Variants in RBFOX1 observed in about 807,000 individuals in gnomAD.
RBFOX1 encodes RNA binding fox-1 homolog 1.
In RBFOX1, 8 loss-of-function variants were observed where a neutral mutation model predicts 57.7. The ratio of observed to expected loss-of-function variants is 0.14; its 90% confidence interval spans 0.08 to 0.25. RBFOX1 has a LOEUF of 0.25. RBFOX1 is among the 10% of genes least tolerant of loss of function. The pLI, the probability that RBFOX1 is intolerant of heterozygous loss-of-function variation, is 1.00. For missense variants in RBFOX1, 611 were observed against 548.5 expected, an observed-to-expected ratio of 1.11 and a Z score of -1.14; for synonymous variants, 326 against 222.4, an observed-to-expected ratio of 1.47 and a Z score of -4.15.
At chr16:5,438,668 T>A (rs1264766924) in intron 1 of RBFOX1, among the ~76,000 whole-genome samples, 1 of 152,120 alleles carries the variant, frequency 6.6e-6, no homozygotes, top group Non-Finnish European at 1.5e-5. Context: ...TGCACCCTCT[T>A]ATGGGAAGCA....
At chr16:7,319,348 C>A (rs567896061) in intron 4 of RBFOX1, among the ~76,000 whole-genome samples, 15 of 152,012 alleles carry the variant, frequency 9.9e-5, no homozygotes, top group African/African-American at 3.4e-4. Context: ...GATAGGTGGG[C>A]GTGTAGAAAA....
intron 3 of RBFOX1, among the ~76,000 whole-genome samples, chr16:6,982,809 A>G (rs1053046372): frequency 6.6e-6 from 1 of 152,090 alleles, no homozygotes; most frequent in East Asian, 1.9e-4. Flanking sequence ...CCTGGCCAAC[A>G]TGGCGGAGCC....
chr16:6,105,660 A>T (rs2096369525), intron 1 of RBFOX1, among the ~76,000 whole-genome samples: 1 of 150,646 alleles, frequency 6.6e-6, no homozygotes, highest in South Asian at 2.1e-4. Context: ...GTACTAATTG[A>T]GAAAAACTTG....
At chr16:7,219,420 T>C (rs2092545192) in intron 4 of RBFOX1, among the ~76,000 whole-genome samples, 1 of 152,060 alleles carries the variant, frequency 6.6e-6, no homozygotes, top group South Asian at 2.1e-4. Flanking sequence ...ATGAGCATAG[T>C]TGAAAGTTTG....
intron 2 of RBFOX1, among the ~76,000 whole-genome samples, chr16:6,630,772 A>G (rs1466560379): frequency 1.3e-5 from 2 of 152,128 alleles, no homozygotes; most frequent in African/African-American, 4.8e-5. Flanking sequence ...GGAGGTTGAA[A>G]TTGTAGTTGA....
intron 4 of RBFOX1, among the ~76,000 whole-genome samples, chr16:7,198,207 G>C (rs538139235): frequency 1.3e-4 from 20 of 151,828 alleles, no homozygotes; most frequent in Non-Finnish European, 2.8e-4. Flanking sequence ...GGGTTTCACC[G>C]TGTTAGCCAG....
intron 2 of RBFOX1, among the ~76,000 whole-genome samples, chr16:5,503,307 A>T (rs191884761): frequency 6.6e-6 from 1 of 152,244 alleles, no homozygotes; most frequent in African/African-American, 2.4e-5. Context: ...GTGGGAAGTA[A>T]TTTCACCACT....
chr16:6,538,469 G>T (rs1567603251), intron 2 of RBFOX1, among the ~76,000 whole-genome samples: 3 of 152,086 alleles, frequency 2.0e-5, no homozygotes, highest in Non-Finnish European at 4.4e-5. Context: ...TCTAGCCTGG[G>T]CAACAGAGCA....
chr16:6,619,269 T>G (rs2098190663), intron 2 of RBFOX1, among the ~76,000 whole-genome samples: 1 of 152,138 alleles, frequency 6.6e-6, no homozygotes, highest in South Asian at 2.1e-4. Flanking sequence ...TCTAATAATT[T>G]CAGGTTCCAT....
intron 4 of RBFOX1, among the ~76,000 whole-genome samples, chr16:7,494,961 T>C (rs2068128389): frequency 6.6e-6 from 1 of 152,074 alleles, no homozygotes; most frequent in Non-Finnish European, 1.5e-5. Flanking sequence ...GGTAGTTTTT[T>C]ACTCCATTCC....
In RBFOX1 at chr16:6,519,768, C is replaced by G. The variant is rs1208183198; in HGVS notation, c.-63-134835C>G. Among the ~76,000 whole-genome samples the G allele has an allele frequency of 1.3e-5, 2 of 152,240 alleles. 1 individual carries two copies. The highest frequency in any genetic ancestry group is 6.8e-3 in the Middle Eastern group (2 of 294). On this transcript the variant is annotated intron_variant, in intron 2 of 15. Transcript: ENST00000550418. ...CCCACCACCTATTGTATGCCCGGTT[C>G]TGTATTAGCAACTCAGTAGACACTT...
chr16:5,772,780 C>T (rs2151681801), intron 3 of RBFOX1, among the ~76,000 whole-genome samples: 1 of 152,216 alleles, frequency 6.6e-6, no homozygotes, highest in Non-Finnish European at 1.5e-5. Flanking sequence ...TTGGCAGAGA[C>T]ATGCAACAAA....
rs149336753 is a variant in RBFOX1, at chr16:6,919,694, T to C, written c.-15-132363T>C. On this transcript the variant is annotated intron_variant, in intron 3 of 15. Transcript: ENST00000550418. Reference sequence around the variant, plus strand: ...AATCCAGATCCATAAGACATTGTCATCAGCACTGATATATTGTATGTTATA... The same window carrying C: ...AATCCAGATCCATAAGACATTGTCACCAGCACTGATATATTGTATGTTATA... Among the ~76,000 whole-genome samples the C allele has an allele frequency of 5.5e-3, 839 of 151,614 alleles. 9 individuals are homozygous for C. The highest frequency in any genetic ancestry group is 0.019 in the African/African-American group (799 of 41,372).
intron 4 of RBFOX1, among the ~76,000 whole-genome samples, chr16:7,149,515 C>G (rs1216623860): frequency 2.9e-4 from 38 of 132,874 alleles, no homozygotes; most frequent in Non-Finnish European, 5.4e-4. Flanking sequence ...CCGACAGGGT[C>G]TCATTCTATC....
At chr16:6,249,561 GA>G (rs2097590971) in intron 1 of RBFOX1, among the ~76,000 whole-genome samples, 1 of 151,994 alleles carries the variant, frequency 6.6e-6, no homozygotes, top group African/African-American at 2.4e-5. Context: ...AACCAGAGGA[GA>G]GACTGGTATT....
intron 4 of RBFOX1, among the ~76,000 whole-genome samples, chr16:7,334,930 A>AG (rs1467023574): frequency 6.6e-6 from 1 of 152,212 alleles, no homozygotes; most frequent in African/African-American, 2.4e-5. Flanking sequence ...TTAGGAGAGC[A>AG]GTTTAGTGAG....
At chr16:7,453,188 A>G (rs2057736828) in intron 4 of RBFOX1, among the ~76,000 whole-genome samples, 1 of 151,496 alleles carries the variant, frequency 6.6e-6, no homozygotes, top group Non-Finnish European at 1.5e-5. Flanking sequence ...GGTAGCCAGG[A>G]TGGCTTCCTG....
intron 4 of RBFOX1, among the ~76,000 whole-genome samples, chr16:7,314,950 T>C (rs1043613674): frequency 1.3e-5 from 2 of 152,242 alleles, no homozygotes; most frequent in Non-Finnish European, 2.9e-5. Flanking sequence ...GGAAAGTTTC[T>C]TCTCTTGAGT....
chr16:5,598,902 G>A, exon 3 of RBFOX1: 2 of 1,514,844 alleles, frequency 1.3e-6, no homozygotes. Flanking sequence ...TTTTTGCCAG[G>A]ACTACAAGTC....
Sources: gnomAD v4.1 joint callset for allele counts (sites outside exome capture counted in the v4.1 genomes callset) on GRCh38, gnomAD v4.1.1 for gene constraint, MANE v1.5 for transcripts, NCBI Gene and HGNC (gene_info 2026-07-23, HGNC 2026-07-21) for gene names.